Variants in SCAF4 observed in about 807,000 individuals in gnomAD.
SCAF4 encodes the protein SR-related and CTD-associated factor 4.
SCAF4 carries 25 observed loss-of-function variants against 129.8 expected under a neutral mutation model. The ratio of observed to expected loss-of-function variants is 0.19; its 90% confidence interval spans 0.14 to 0.27. SCAF4 has a LOEUF of 0.27. SCAF4 is among the 10% of genes least tolerant of loss of function. The probability of loss-of-function intolerance (pLI) is 1.00; values close to 1 mark genes in which losing one functional copy is unlikely to be tolerated. For missense variants in SCAF4, 1,246 were observed against 1,457.1 expected (o/e 0.86, Z 2.36); for synonymous variants, 551 against 497.7 (o/e 1.11, Z -1.43).
intron 1 of SCAF4, among the ~76,000 whole-genome samples, chr21:31,715,012 G>A (rs1053875818): frequency 6.6e-5 from 10 of 152,292 alleles, no homozygotes; most frequent in African/African-American, 2.4e-4. Flanking sequence ...CTGTGAATTG[G>A]CTTTTGTATT....
At chr21:31,674,137 A>G (rs1402174324) in intron 19 of SCAF4, among the ~76,000 whole-genome samples, 1 of 152,222 alleles carries the variant, frequency 6.6e-6, no homozygotes, top group Non-Finnish European at 1.5e-5. Flanking sequence ...CAGTGGCCAA[A>G]GGATGCAAAG....
intron 19 of SCAF4, among the ~76,000 whole-genome samples, chr21:31,682,416 AAC>A (rs1366374162): frequency 6.6e-6 from 1 of 152,126 alleles, no homozygotes; most frequent in African/African-American, 2.4e-5. Flanking sequence ...CTGCCAATAT[AAC>A]AGTTTAAAAC....
intron 2 of SCAF4, among the ~76,000 whole-genome samples, chr21:31,705,740 T>C (rs1472469770): frequency 6.6e-6 from 1 of 152,142 alleles, no homozygotes; most frequent in Non-Finnish European, 1.5e-5. Flanking sequence ...GGCAACCTTA[T>C]GGGACAAAAC....
rs774636432 is a variant in SCAF4, at chr21:31,671,070, T to C, written c.*329A>G. On this transcript the variant is annotated 3_prime_UTR_variant, in exon 20 of 20. Coordinates refer to ENST00000286835, the MANE Select transcript of SCAF4 (RefSeq NM_020706.2). ...ATAGAGTTTATTAAAAACATCCCTA[T>C]TGTTTTGAGGAGCTTTCACCGTTAC... 8.1e-5 allele frequency: 18 copies of C among 223,034 alleles called. No homozygotes were observed. Among genetic ancestry groups the C allele is most frequent in the South Asian group, 2.3e-4 (2 of 8,780 alleles). The allele number at this position is 223,034 out of a possible 1,614,324, so 13.8% of individuals were successfully genotyped here.
intron 1 of SCAF4, chr21:31,706,615 C>T: frequency 2.2e-6 from 1 of 445,790 alleles, no homozygotes; most frequent in South Asian, 3.3e-5. Flanking sequence ...GAAGGAAGAG[C>T]CCAAGAGGCA....
chr21:31,727,469 G>A (rs1261349684), intron 1 of SCAF4, among the ~76,000 whole-genome samples: 3 of 152,146 alleles, frequency 2.0e-5, no homozygotes, highest in Non-Finnish European at 2.9e-5. Flanking sequence ...GGCAAGATGG[G>A]TTAAAGACTA....
chr21:31,700,317 G>C (rs1354506538), intron 7 of SCAF4, among the ~76,000 whole-genome samples: 1 of 151,620 alleles, frequency 6.6e-6, no homozygotes, highest in Non-Finnish European at 1.5e-5. Flanking sequence ...TGTTGCCCAG[G>C]CTGGTCTCAA....
In SCAF4 at chr21:31,700,986, G is replaced by C. The variant is rs1568846084; in HGVS notation, c.777+9C>G. The C allele has an allele frequency of 6.2e-7, 1 of 1,613,706 alleles. No individual in the cohort carries two copies. The highest frequency in any genetic ancestry group is 2.2e-5 in the East Asian group (1 of 44,868). On this transcript the variant is annotated intron_variant, in intron 7 of 19. Coordinates refer to ENST00000286835, the MANE Select transcript of SCAF4 (RefSeq NM_020706.2). ...AAATGGTGGGGTGGGTTATGTGAGA[G>C]AAATATACCTTGTCAAATGCAGTTT...
chr21:31,693,529 A>G lies in SCAF4; in HGVS notation c.1323-45T>C, dbSNP rs776377501. On this transcript the variant is annotated intron_variant, in intron 11 of 19. Coordinates refer to ENST00000286835, the MANE Select transcript of SCAF4 (RefSeq NM_020706.2). ...GGAGAATGCATAGCATATAGACAAAAACCAGAAAATATAAGCACATACTAA... is the reference window on the plus strand; with the variant it reads ...GGAGAATGCATAGCATATAGACAAAGACCAGAAAATATAAGCACATACTAA... The G allele has an allele frequency of 3.1e-6, 4 of 1,288,632 alleles. No homozygotes were observed. In the South Asian group the frequency reaches 6.4e-5, roughly 21 times the overall value. 79.8% of individuals were successfully genotyped at this position (1,288,632 alleles called of 1,614,324 possible).
intron 16 of SCAF4, among the ~76,000 whole-genome samples, chr21:31,687,641 A>G (rs1826385743): frequency 6.6e-6 from 1 of 152,186 alleles, no homozygotes; most frequent in African/African-American, 2.4e-5. Context: ...GAAAATTAAG[A>G]AAATCCCTGT....
At position 31,701,110 on chromosome 21, in the gene SCAF4, T is replaced by C. The variant is rs765352495; in HGVS notation, c.662A>G (p.Asn221Ser). 6.8e-6 allele frequency: 11 copies of C among 1,613,800 alleles called. No homozygotes were observed. The highest frequency in any genetic ancestry group is 2.2e-5 in the South Asian group (2 of 91,056). ...AGCCTGAACCTGAGCCATCACAGCA[T>C]TGTCAAGGGCAGGAGACTGTGGTTT... is the stretch of plus-strand genomic sequence containing the variant. ...PPKPQSPALD[N>S]AVMAQVQAIT... is the part of the protein sequence containing the mutation. Residue 221 changes from asparagine (N) to serine (S), a missense_variant, in exon 7 of 20, where the codon AAT becomes AGT. By Grantham distance (46) the Asn-to-Ser change is conservative (BLOSUM62 1). This residue lies in a region of SCAF4 where 143 missense variants were observed against 161.0 expected (regional missense o/e 0.89). Transcript: ENST00000286835.
In SCAF4 at chr21:31,706,480, T is replaced by A; in HGVS notation, c.31-123A>T. ...AACGGGGCCGGGGTGGTGAGGGGGG[T>A]CTTAGCAGCTAGGGCAGCAGGAAGA... On this transcript the variant is annotated intron_variant, in intron 1 of 19. Transcript: ENST00000286835. 4 of 651,398 alleles carry A rather than the reference T, an allele frequency of 6.1e-6. No homozygotes were observed. The East Asian group carries it at 1.1e-4, about 18-fold the overall frequency. The allele number at this position is 651,398 out of a possible 1,614,324, so 40.4% of individuals were successfully genotyped here.
intron 1 of SCAF4, among the ~76,000 whole-genome samples, chr21:31,709,327 ATACT>A (rs1243697737): frequency 1.3e-5 from 2 of 150,524 alleles, no homozygotes; most frequent in African/African-American, 4.9e-5. Context: ...CAACGAATAA[ATACT>A]TACTGGTACT....
intron 4 of SCAF4, among the ~76,000 whole-genome samples, chr21:31,702,884 C>T (rs530374528): frequency 7.2e-5 from 11 of 152,180 alleles, no homozygotes; most frequent in Admixed American, 3.3e-4. Flanking sequence ...GTATTTTTCC[C>T]ACAAGAGCAT....
At chr21:31,725,751 ATG>A (rs1233944956) in intron 1 of SCAF4, among the ~76,000 whole-genome samples, 3 of 152,152 alleles carry the variant, frequency 2.0e-5, no homozygotes. Context: ...AGGCTACCTG[ATG>A]TGTGTTACTG....
intron 1 of SCAF4, among the ~76,000 whole-genome samples, chr21:31,726,369 A>C (rs1311493715): frequency 6.6e-6 from 1 of 152,168 alleles, no homozygotes; most frequent in Non-Finnish European, 1.5e-5. Flanking sequence ...TTAAGAATTT[A>C]AAAGGATCTA....
At chr21:31,706,871 T>C (rs1212854902) in intron 1 of SCAF4, 2 of 307,386 alleles carry the variant, frequency 6.5e-6, no homozygotes, top group Non-Finnish European at 1.3e-5. Context: ...GTCTACTCAG[T>C]ACATACCATG....
chr21:31,707,916 A>T (rs1342058997), intron 1 of SCAF4, among the ~76,000 whole-genome samples: 1 of 152,204 alleles, frequency 6.6e-6, no homozygotes, highest in African/African-American at 2.4e-5. Context: ...AGAAAATATA[A>T]TTTTTCCATA....
intron 7 of SCAF4, 158 bp downstream of exon 7, chr21:31,700,837 C>A: frequency 1.2e-6 from 1 of 867,998 alleles, no homozygotes; most frequent in Admixed American, 2.1e-5. Flanking sequence ...CATTTAAAAC[C>A]AGGGAAAATA....
Sources: allele counts gnomAD v4.1 joint callset (sites outside exome capture counted in the v4.1 genomes callset), GRCh38; gene constraint gnomAD v4.1.1; regional missense constraint gnomAD v4.1.1; transcripts MANE v1.5; gene names NCBI Gene and HGNC (gene_info 2026-07-23, HGNC 2026-07-21).